The following CADM2 variants were observed in gnomAD, a reference collection of about 807,000 sequenced individuals.
CADM2 encodes the protein cell adhesion molecule 2, also known as immunoglobulin superfamily member 4D.
Under a neutral mutation model 49.8 loss-of-function variants are expected in CADM2, and 12 were observed. The observed-to-expected ratio is 0.24, with a 90% CI of 0.15 to 0.39. The LOEUF (loss-of-function observed/expected upper bound fraction) is 0.39. Among genes scored for constraint, CADM2 ranks in the 10% least tolerant of loss-of-function variants. The pLI is 1.00. For synonymous variants in CADM2, 214 were observed against 175.4 expected, an observed-to-expected ratio of 1.22 and a Z score of -1.74; for missense variants, 378 against 492.3, an observed-to-expected ratio of 0.77 and a Z score of 2.20.
intron 1 of CADM2, among the ~76,000 whole-genome samples, chr3:85,370,379 G>A (rs2033141722): frequency 6.6e-6 from 1 of 151,630 alleles, no homozygotes; most frequent in African/African-American, 2.4e-5. Flanking sequence ...CCAAGATCGC[G>A]CCACTGCACT....
At chr3:85,529,678 G>A (rs936343117) in intron 1 of CADM2, among the ~76,000 whole-genome samples, 19 of 152,056 alleles carry the variant, frequency 1.2e-4, no homozygotes, top group African/African-American at 4.1e-4. Flanking sequence ...ATCATGTGGA[G>A]CCCCATCCTC....
chr3:85,359,666 ATTTTT>A (rs869151718), intron 1 of CADM2, among the ~76,000 whole-genome samples: 41 of 26,512 alleles, frequency 1.5e-3, no homozygotes, highest in African/African-American at 4.3e-3. Context: ...ATATATATAT[ATTTTT>A]TTTTTTGGTG....
chr3:85,823,769 T>C (rs1237239009), intron 3 of CADM2, among the ~76,000 whole-genome samples: 1 of 152,142 alleles, frequency 6.6e-6, no homozygotes, highest in African/African-American at 2.4e-5. Context: ...ACTGAAAAAG[T>C]GGATGACCTT....
chr3:85,618,328 A>G (rs1394855292), intron 1 of CADM2, among the ~76,000 whole-genome samples: 3 of 152,122 alleles, frequency 2.0e-5, no homozygotes, highest in Admixed American at 1.3e-4. Flanking sequence ...ACAGCCCAAG[A>G]CTAGGTATGG....
intron 3 of CADM2, among the ~76,000 whole-genome samples, chr3:85,878,851 A>G (rs9818023): frequency 0.038 from 5,837 of 152,140 alleles, 372 homozygotes; most frequent in African/African-American, 0.13. Flanking sequence ...TGAGAATTGT[A>G]AGCTCTGTCT....
At chr3:85,510,132 T>C (rs1281541314) in intron 1 of CADM2, among the ~76,000 whole-genome samples, 2 of 151,926 alleles carry the variant, frequency 1.3e-5, no homozygotes, top group African/African-American at 4.8e-5. Context: ...AAAAATGGAA[T>C]AGTAATTGGT....
chr3:86,039,035 C>T (rs749642886), intron 8 of CADM2, among the ~76,000 whole-genome samples: 4 of 152,140 alleles, frequency 2.6e-5, no homozygotes, highest in Admixed American at 6.5e-5. Context: ...ACTCTTTTAG[C>T]CCCTGTTAGG....
chr3:85,968,734 G>T lies in CADM2; in HGVS notation c.970+7087G>T, dbSNP rs565366980. 7.2e-5 allele frequency among the ~76,000 whole-genome samples: 11 copies of T among 151,752 alleles called. No individual in the cohort carries two copies. In the South Asian group the frequency reaches 2.1e-3, roughly 29 times the overall value. ...GGCCAGGCTGTAGCTTTACCAAAATGTACAGAGCTCTTCTACCCAAGTATA... is the reference window on the plus strand; with the variant it reads ...GGCCAGGCTGTAGCTTTACCAAAATTTACAGAGCTCTTCTACCCAAGTATA... On this transcript the variant is annotated intron_variant, in intron 8 of 9. Transcript: ENST00000383699.
At chr3:85,902,323 G>T (rs919236230) in intron 5 of CADM2, among the ~76,000 whole-genome samples, 1 of 151,536 alleles carries the variant, frequency 6.6e-6, no homozygotes, top group Admixed American at 6.6e-5. Flanking sequence ...TTTGATATTA[G>T]TATAGTCACT....
intron 1 of CADM2, among the ~76,000 whole-genome samples, chr3:85,092,971 C>G (rs564696750): frequency 6.6e-6 from 1 of 152,078 alleles, no homozygotes; most frequent in Non-Finnish European, 1.5e-5. Context: ...GAATAACATG[C>G]CTTTTGTTAT....
At position 85,116,791 on chromosome 3, in the gene CADM2, A is replaced by G. The variant is rs906329103; in HGVS notation, c.61+157123A>G. Among the ~76,000 whole-genome samples, 3 of 152,092 alleles carry G rather than the reference A, an allele frequency of 2.0e-5. No homozygotes were observed. The South Asian group carries it at 6.2e-4, about 32-fold the overall frequency. On this transcript the variant is annotated intron_variant, in intron 1 of 9. Transcript: ENST00000383699. Reference sequence around the variant, plus strand: ...GAAGAAGTATATTTAAAATTTTGTAACTTATGATAGTATACAGTTAAATGG... The same window carrying G: ...GAAGAAGTATATTTAAAATTTTGTAGCTTATGATAGTATACAGTTAAATGG...
intron 1 of CADM2, among the ~76,000 whole-genome samples, chr3:85,558,175 T>C (rs1049489967): frequency 1.3e-5 from 2 of 151,916 alleles, no homozygotes; most frequent in African/African-American, 2.4e-5. Flanking sequence ...CACAGACTTA[T>C]ACATAGAAAT....
At chr3:85,139,989 A>T (rs1466484477) in intron 1 of CADM2, among the ~76,000 whole-genome samples, 1 of 152,160 alleles carries the variant, frequency 6.6e-6, no homozygotes, top group East Asian at 1.9e-4. Flanking sequence ...AACAGATAAC[A>T]CGTTCAGTTT....
intron 1 of CADM2, among the ~76,000 whole-genome samples, chr3:85,614,500 G>A (rs1265293100): frequency 6.6e-6 from 1 of 151,822 alleles, no homozygotes; most frequent in Non-Finnish European, 1.5e-5. Context: ...AGTAATCCAA[G>A]TTGGTCGGCC....
At chr3:85,907,875 T>G (rs1717013756) in intron 5 of CADM2, among the ~76,000 whole-genome samples, 1 of 151,024 alleles carries the variant, frequency 6.6e-6, no homozygotes, top group African/African-American at 2.4e-5. Flanking sequence ...TGCGCCACTG[T>G]ACTCCAGCCT....
chr3:85,225,872 T>G (rs922930692), intron 1 of CADM2, among the ~76,000 whole-genome samples: 5 of 152,200 alleles, frequency 3.3e-5, no homozygotes, highest in African/African-American at 1.2e-4. Context: ...GTGGTTTTTG[T>G]CATTGTTTCT....
rs575171371 is a variant in CADM2, at chr3:85,769,844, G to A, written c.89-32203G>A. Among the ~76,000 whole-genome samples, 3 of 149,590 alleles carry A rather than the reference G, an allele frequency of 2.0e-5. No individual in the cohort carries two copies. In the Admixed American group the frequency reaches 2.0e-4, roughly 10 times the overall value. On this transcript the variant is annotated intron_variant, in intron 2 of 9. Transcript: ENST00000383699. ...TGTGACATCTACATTTCAGTGTCAAGATATCAATGAGAAAAAAAGGGAAAA... is the reference window on the plus strand; with the variant it reads ...TGTGACATCTACATTTCAGTGTCAAAATATCAATGAGAAAAAAAGGGAAAA...
intron 2 of CADM2, among the ~76,000 whole-genome samples, chr3:85,791,985 AG>A (rs1488884064): frequency 1.3e-5 from 2 of 152,118 alleles, no homozygotes; most frequent in African/African-American, 2.4e-5. Context: ...GGCCTCCCAA[AG>A]TGCTGGGATT....
At chr3:85,610,531 T>G (rs924282504) in intron 1 of CADM2, among the ~76,000 whole-genome samples, 1 of 151,956 alleles carries the variant, frequency 6.6e-6, no homozygotes, top group Non-Finnish European at 1.5e-5. Flanking sequence ...GTGCTTACGA[T>G]GCACCAGGCA....
Sources: allele counts gnomAD v4.1 joint callset (sites outside exome capture counted in the v4.1 genomes callset), GRCh38; gene constraint gnomAD v4.1.1; transcripts MANE v1.5; gene names NCBI Gene and HGNC (gene_info 2026-07-23, HGNC 2026-07-21).